Variants in SNED1 observed in about 807,000 individuals in gnomAD.
The protein encoded by SNED1 is sushi, nidogen and EGF like domains 1, also known as sushi, nidogen and EGF-like domain-containing protein 1.
SNED1 carries 81 observed loss-of-function variants against 166.7 expected under a neutral mutation model. The observed-to-expected ratio is 0.49, with a 90% CI of 0.41 to 0.58. The LOEUF is 0.58. SNED1 is among the 20% of genes least tolerant of loss of function. SNED1 has a pLI of 0.00. For missense variants in SNED1, 1,604 were observed against 2,000.2 expected (o/e 0.80, Z 3.78); for synonymous variants, 762 against 822.0 (o/e 0.93, Z 1.25).
rs2062413410 is a variant in SNED1, at chr2:241,065,655, G to T, written c.3010+60G>T. 7.5e-6 allele frequency: 11 copies of T among 1,470,776 alleles called. 1 individual carries two copies. In the Admixed American group the frequency reaches 2.2e-4, roughly 29 times the overall value. The allele number at this position is 1,470,776 out of a possible 1,614,324, so 91.1% of individuals were successfully genotyped here. ...CCCCTGCCCCTCGAGGGCAGCGCTG[G>T]CCCCGGCACCTGCAGGGCGGCTGTC... On this transcript the variant is annotated intron_variant, in intron 21 of 31. Transcript: ENST00000310397.
At position 240,999,995 on chromosome 2, in the gene SNED1, C is replaced by A. The variant is rs894597394; in HGVS notation, c.213+945C>A. On this transcript the variant is annotated intron_variant, in intron 1 of 31. Coordinates refer to ENST00000310397, the MANE Select transcript of SNED1 (RefSeq NM_001080437.3). This position sits in a 1 kb window ranked among gnomAD's most constrained non-coding sequence, Gnocchi z 5.8. ...TCAGCCCTCTCATACCCTCGCCCAC[C>A]TCCAGCCTCAACCCACTGCCAGCCA... Among the ~76,000 whole-genome samples the A allele has an allele frequency of 1.3e-5, 2 of 152,276 alleles. No individual in the cohort carries two copies. Among genetic ancestry groups the A allele is most frequent in the East Asian group, 3.9e-4 (2 of 5,190 alleles).
At chr2:241,074,844 T>C (rs1255952402) in intron 27 of SNED1, 2 of 152,202 alleles carry the variant, frequency 1.3e-5, no homozygotes, top group African/African-American at 4.8e-5. Context: ...ATACCTTCTA[T>C]CTTGCCATCA....
At chr2:241,040,798 C>A in intron 8 of SNED1, 1 of 476,550 alleles carries the variant, frequency 2.1e-6, no homozygotes, top group Non-Finnish European at 4.3e-6. Flanking sequence ...CTCTAGAACC[C>A]TCAGCACACA....
rs1293401106 is a variant in SNED1 at position 241,027,731 on chromosome 2, C to CTTT, written c.214-2552_214-2551insTTT. 5.1e-5 allele frequency among the ~76,000 whole-genome samples: 7 copies of CTTT among 137,256 alleles called. 1 individual carries two copies. Among genetic ancestry groups the CTTT allele is most frequent in the Admixed American group, 7.7e-5 (1 of 12,920 alleles). 90.0% of individuals were successfully genotyped at this position (137,256 alleles called of 152,430 possible). ...CTTCACCAACCCTTGTTATTTTCTT[C>CTTT]TGTTTTTTTTTTTTTTTTTTAAGGT... On this transcript the variant is annotated intron_variant, in intron 1 of 31. Transcript: ENST00000310397.
chr2:241,062,208 G>C (rs749046445), intron 16 of SNED1, among the ~76,000 whole-genome samples: 1 of 152,134 alleles, frequency 6.6e-6, no homozygotes, highest in Non-Finnish European at 1.5e-5. Flanking sequence ...GATTCTTATC[G>C]CAAGGGAAGA....
At chr2:241,048,219 G>A in intron 8 of SNED1, 96 bp from the exon 9 acceptor site, 1 of 1,374,138 alleles carries the variant, frequency 7.3e-7, no homozygotes, top group East Asian at 2.5e-5. Flanking sequence ...AATGACAACA[G>A]AGGTGAAAAC....
In SNED1 at chr2:240,999,157, C is replaced by T. The variant is rs2060000775; in HGVS notation, c.213+107C>T. The T allele has an allele frequency of 8.1e-6, 5 of 616,268 alleles. No homozygotes were observed. The highest frequency in any genetic ancestry group is 1.1e-5 in the Non-Finnish European group (5 of 441,394). The allele number at this position is 616,268 out of a possible 1,614,324, so 38.2% of individuals were successfully genotyped here. A position where few individuals can be genotyped will look rare whatever the true frequency, so the allele number is the denominator to read the frequency against. On this transcript the variant is annotated intron_variant, in intron 1 of 31. Coordinates refer to ENST00000310397, the MANE Select transcript of SNED1 (RefSeq NM_001080437.3). This position sits in a 1 kb window ranked among gnomAD's most constrained non-coding sequence, Gnocchi z 5.8. ...GCCGCCGCCGCCAGCCACTTGGCAC[C>T]GGGGCGGCCCGAGGTGGAATGAGGA...
chr2:241,036,065 TG>T (rs1307727127), intron 4 of SNED1, among the ~76,000 whole-genome samples: 1 of 7,386 alleles, frequency 1.4e-4, no homozygotes, highest in Non-Finnish European at 2.4e-4. Flanking sequence ...CGTCACAGGG[TG>T]GGGGGTGGGG....
Position 241,093,900 on chromosome 2 carries a change from G to GT in SNED1, c.*2265dup, listed in dbSNP as rs1376357886. The GT allele has an allele frequency of 1.3e-5, 2 of 153,392 alleles. No individual in the cohort carries two copies. The highest frequency in any genetic ancestry group is 1.3e-4 in the Admixed American group (2 of 15,488). 9.5% of individuals were successfully genotyped at this position (153,392 alleles called of 1,614,324 possible). A position where few individuals can be genotyped will look rare whatever the true frequency, so the allele number is the denominator to read the frequency against. Reference sequence around the variant, plus strand: ...AACTGTCAGGAGCATAAAGATTTCTGTATCAAAATGAAAGAAGCAATCCTG... The same window carrying GT: ...AACTGTCAGGAGCATAAAGATTTCTGTTATCAAAATGAAAGAAGCAATCCTG... On this transcript the variant is annotated 3_prime_UTR_variant, in exon 32 of 32. Coordinates refer to ENST00000310397, the MANE Select transcript of SNED1 (RefSeq NM_001080437.3).
intron 29 of SNED1, among the ~76,000 whole-genome samples, chr2:241,082,696 T>C (rs1859926): frequency 0.16 from 23,973 of 152,160 alleles, 2,904 homozygotes; most frequent in East Asian, 0.35. Context: ...CTCTCTTCTC[T>C]TCCTCAGAGC....
intron 8 of SNED1, among the ~76,000 whole-genome samples, chr2:241,042,601 G>A (rs1289297611): frequency 1.3e-5 from 2 of 152,086 alleles, no homozygotes; most frequent in Admixed American, 1.3e-4. Context: ...AGATACAAAT[G>A]TTTAATTATC....
At position 240,999,020 on chromosome 2, in the gene SNED1, G is replaced by A. The variant is rs368040982; in HGVS notation, c.183G>A (p.Pro61=). 4.5e-6 allele frequency: 6 copies of A among 1,324,388 alleles called. No homozygotes were observed. The African/African-American group carries it at 7.8e-5, about 17-fold the overall frequency. The allele number at this position is 1,324,388 out of a possible 1,614,324, so 82.0% of individuals were successfully genotyped here. Residue 61 remains proline (P), a synonymous_variant, in exon 1 of 32, where the codon CCG becomes CCA. Coordinates refer to ENST00000310397, the MANE Select transcript of SNED1 (RefSeq NM_001080437.3). The surrounding 1 kb of genome is among the most constrained non-coding windows in gnomAD (Gnocchi z 5.8). ...SGLRPLSVPF[P]FFGAEHSGLY... is the part of the protein sequence containing the mutation. Reference sequence around the variant, plus strand: ...TGCGGCCGCTCTCGGTGCCCTTCCCGTTCTTCGGTGCCGAGCACTCCGGAC... The same window carrying A: ...TGCGGCCGCTCTCGGTGCCCTTCCCATTCTTCGGTGCCGAGCACTCCGGAC...
intron 6 of SNED1, 80 bp from the exon 7 acceptor site, chr2:241,039,995 G>C: frequency 8.7e-7 from 1 of 1,149,278 alleles, no homozygotes; most frequent in Non-Finnish European, 1.3e-6. Flanking sequence ...GTGGGGCTCA[G>C]TGTACGTCCC....
chr2:241,024,082 C>T (rs1419658862), intron 1 of SNED1, among the ~76,000 whole-genome samples: 1 of 150,724 alleles, frequency 6.6e-6, no homozygotes, highest in African/African-American at 2.4e-5. Flanking sequence ...AACGAGGTTT[C>T]ACCATGTTGG....
intron 4 of SNED1, 121 bp from the exon 5 acceptor site, chr2:241,036,669 C>T: frequency 1.5e-6 from 2 of 1,339,418 alleles, no homozygotes; most frequent in African/African-American, 2.9e-5. Context: ...GCTGCGGTCA[C>T]CCGGGCACCC....
Position 241,018,728 on chromosome 2 carries a change from A to G in SNED1, c.214-11556A>G, listed in dbSNP as rs1157367608. Among the ~76,000 whole-genome samples, 1 of 152,120 alleles carries G rather than the reference A, an allele frequency of 6.6e-6. No homozygotes were observed. Among genetic ancestry groups the G allele is most frequent in the East Asian group, 1.9e-4 (1 of 5,176 alleles). On this transcript the variant is annotated intron_variant, in intron 1 of 31. Transcript: ENST00000310397. The surrounding 1 kb of genome is among the most constrained non-coding windows in gnomAD (Gnocchi z 5.4). Reference sequence around the variant, plus strand: ...CAGACCACCGCAGATGAACCCAGCTAGCAGTGCCGTCAACCAAGCCACCCA... The same window carrying G: ...CAGACCACCGCAGATGAACCCAGCTGGCAGTGCCGTCAACCAAGCCACCCA...
chr2:241,020,006 G>C (rs1050787060), intron 1 of SNED1, among the ~76,000 whole-genome samples: 1 of 152,282 alleles, frequency 6.6e-6, no homozygotes, highest in East Asian at 1.9e-4. Flanking sequence ...ACCAGGCTGG[G>C]GTCCACAGAG....
intron 1 of SNED1, among the ~76,000 whole-genome samples, chr2:241,029,716 G>T (rs1459623564): frequency 6.6e-6 from 1 of 152,238 alleles, no homozygotes; most frequent in Non-Finnish European, 1.5e-5. Context: ...GAAACGTTAT[G>T]GGGCTCCCCG....
chr2:241,080,789 C>T (rs903604313), intron 27 of SNED1, among the ~76,000 whole-genome samples: 5 of 152,248 alleles, frequency 3.3e-5, no homozygotes, highest in Admixed American at 6.5e-5. Flanking sequence ...AGGACCAACT[C>T]GGTCTGCAGG....
Sources: allele counts gnomAD v4.1 joint callset (sites outside exome capture counted in the v4.1 genomes callset), GRCh38; gene constraint gnomAD v4.1.1; non-coding constraint Gnocchi (gnomAD v3.1); transcripts MANE v1.5; gene names NCBI Gene and HGNC (gene_info 2026-07-23, HGNC 2026-07-21).